Variants in CNTN4 observed in about 807,000 individuals in gnomAD.
CNTN4 encodes contactin-4.
A neutral mutation model predicts 122.5 loss-of-function variants in CNTN4; 77 were observed. The observed-to-expected ratio is 0.63, with a 90% CI of 0.52 to 0.76. The LOEUF (loss-of-function observed/expected upper bound fraction) is 0.76, where lower values mean the gene tolerates loss of function less well. CNTN4 is among the 30% of genes least tolerant of loss of function. The pLI is 0.00. For missense variants in CNTN4, 1,256 were observed against 1,259.1 expected, an observed-to-expected ratio of 1.00 and a Z score of 0.04; for synonymous variants, 512 against 447.0, an observed-to-expected ratio of 1.15 and a Z score of -1.83.
intron 4 of CNTN4, among the ~76,000 whole-genome samples, chr3:2,615,654 G>A (rs2081691609): frequency 1.3e-5 from 2 of 152,116 alleles, no homozygotes; most frequent in South Asian, 4.1e-4. Flanking sequence ...TTGTTTCAAG[G>A]GTAAAATTTA....
At chr3:2,997,240 G>A (rs1001193664) in intron 14 of CNTN4, among the ~76,000 whole-genome samples, 4 of 152,174 alleles carry the variant, frequency 2.6e-5, no homozygotes, top group Non-Finnish European at 5.9e-5. Flanking sequence ...ACTTCCTGTG[G>A]CTTGAGAATG....
At chr3:2,798,008 G>A (rs1009333829) in intron 6 of CNTN4, among the ~76,000 whole-genome samples, 1 of 147,788 alleles carries the variant, frequency 6.8e-6, no homozygotes, top group Non-Finnish European at 1.5e-5. Flanking sequence ...GTCTGGGATT[G>A]TAGTATAACC....
At chr3:2,461,221 C>G (rs1029573920) in intron 3 of CNTN4, among the ~76,000 whole-genome samples, 3 of 152,088 alleles carry the variant, frequency 2.0e-5, no homozygotes, top group Admixed American at 6.6e-5. Flanking sequence ...CTTAGTTCTC[C>G]TCCCTTGTAC....
rs539316762 is a variant in CNTN4 at position 2,925,484 on chromosome 3, C to T, written c.1208-145C>T. ...AGGAGAGTCACTTGAACCCGGGAGG[C>T]GGAGGTTGCAGTGAGCCAAGATTGC... On this transcript the variant is annotated intron_variant, in intron 12 of 24. Coordinates refer to ENST00000418658, the MANE Select transcript of CNTN4 (RefSeq NM_175607.3). The T allele has an allele frequency of 1.5e-4, 114 of 753,366 alleles. 1 individual carries two copies. The highest frequency in any genetic ancestry group is 2.0e-4 in the Non-Finnish European group (93 of 473,596). The allele number at this position is 753,366 out of a possible 1,614,324, so 46.7% of individuals were successfully genotyped here. A position where few individuals can be genotyped will look rare whatever the true frequency, so the allele number is the denominator to read the frequency against.
intron 3 of CNTN4, among the ~76,000 whole-genome samples, chr3:2,429,557 C>G (rs978682017): frequency 2.6e-4 from 39 of 152,184 alleles, no homozygotes; most frequent in African/African-American, 8.4e-4. Context: ...GCAGTCTGTC[C>G]GTTCTCAGAT....
chr3:2,826,904 G>T lies in CNTN4; in HGVS notation c.454+7323G>T, dbSNP rs540208505. Among the ~76,000 whole-genome samples, 30 of 152,200 alleles carry T rather than the reference G, an allele frequency of 2.0e-4. No individual in the cohort carries two copies. In the South Asian group the frequency reaches 6.2e-3, roughly 32 times the overall value. ...GGTTTACCAGTTTTATATAATTTTA[G>T]ATTTTCAGCTGCCTCCTTAGTCCAG... On this transcript the variant is annotated intron_variant, in intron 7 of 24. Coordinates refer to ENST00000418658, the MANE Select transcript of CNTN4 (RefSeq NM_175607.3).
chr3:2,624,903 G>A (rs981036139), intron 4 of CNTN4, among the ~76,000 whole-genome samples: 1 of 151,828 alleles, frequency 6.6e-6, no homozygotes, highest in African/African-American at 2.4e-5. Flanking sequence ...AGAGTGCTGG[G>A]ATTACAGGCA....
intron 4 of CNTN4, among the ~76,000 whole-genome samples, chr3:2,718,483 C>T (rs1329566166): frequency 6.6e-6 from 1 of 152,038 alleles, no homozygotes; most frequent in Non-Finnish European, 1.5e-5. Context: ...GTCAAGATCC[C>T]AAAGGTTTGA....
intron 4 of CNTN4, among the ~76,000 whole-genome samples, chr3:2,611,102 C>A (rs111404246): frequency 4.6e-5 from 7 of 151,844 alleles, no homozygotes; most frequent in African/African-American, 1.7e-4. Flanking sequence ...TTGCTGTCTC[C>A]ATTTTACAGA....
intron 3 of CNTN4, among the ~76,000 whole-genome samples, chr3:2,535,205 G>C (rs1008919857): frequency 6.6e-6 from 1 of 152,102 alleles, no homozygotes; most frequent in Non-Finnish European, 1.5e-5. Context: ...AATAGAGCAA[G>C]TTTATTGGTA....
At chr3:2,636,924 G>GTTTTTTTTTTTTTGTTTTTTTTT (rs2082681733) in intron 4 of CNTN4, among the ~76,000 whole-genome samples, 1 of 98,578 alleles carries the variant, frequency 1.0e-5, no homozygotes, top group Admixed American at 1.2e-4. Context: ...TTCTTTCTTT[G>GTTTTTTTTTTTTTGTTTTTTTTT]TTTTTTTTTT....
At chr3:2,367,810 A>G (rs866125602) in intron 3 of CNTN4, among the ~76,000 whole-genome samples, 1 of 151,866 alleles carries the variant, frequency 6.6e-6, no homozygotes, top group Non-Finnish European at 1.5e-5. Context: ...GAGAGAATCC[A>G]TTGAAACTTT....
chr3:2,416,608 C>A (rs1298278113), intron 3 of CNTN4, among the ~76,000 whole-genome samples: 1 of 152,104 alleles, frequency 6.6e-6, no homozygotes, highest in South Asian at 2.1e-4. Context: ...TTCTGAAAAT[C>A]GTGTATGACT....
intron 4 of CNTN4, among the ~76,000 whole-genome samples, chr3:2,635,493 T>C (rs61386752): frequency 6.6e-6 from 1 of 152,304 alleles, no homozygotes; most frequent in East Asian, 1.9e-4. Flanking sequence ...CTATCCCCCA[T>C]GTCCAGTGGC....
intron 6 of CNTN4, among the ~76,000 whole-genome samples, chr3:2,766,691 G>A (rs1172688752): frequency 2.0e-5 from 3 of 152,122 alleles, no homozygotes; most frequent in Admixed American, 1.3e-4. Flanking sequence ...CAGATCACCA[G>A]TAAAGAACTT....
chr3:2,806,617 A>T (rs1435494164), intron 6 of CNTN4, among the ~76,000 whole-genome samples: 2 of 152,234 alleles, frequency 1.3e-5, no homozygotes, highest in East Asian at 1.9e-4. Context: ...TCAGCAGCTT[A>T]GAAGTTTTGT....
At chr3:2,778,304 A>ATAAGAGAAAACCATGATACAGTTGTTTT (rs1553636992) in intron 6 of CNTN4, among the ~76,000 whole-genome samples, 3 of 149,202 alleles carry the variant, frequency 2.0e-5, no homozygotes, top group Non-Finnish European at 3.0e-5. Context: ...CCATGTATGT[A>ATAAGAGAAAACCATGATACAGTTGTTTT]TAAGAGAAAA....
chr3:2,229,979 A>T (rs1000246443), intron 2 of CNTN4, among the ~76,000 whole-genome samples: 1 of 151,926 alleles, frequency 6.6e-6, no homozygotes, highest in Non-Finnish European at 1.5e-5. Context: ...AACCATCTTC[A>T]TCATGGAATT....
At chr3:2,425,683 T>C (rs981941208) in intron 3 of CNTN4, among the ~76,000 whole-genome samples, 14 of 152,334 alleles carry the variant, frequency 9.2e-5, no homozygotes, top group Admixed American at 2.0e-4. Flanking sequence ...TTTCACGATA[T>C]TGACTCTTCC....
Sources: allele counts gnomAD v4.1 joint callset (sites outside exome capture counted in the v4.1 genomes callset), GRCh38; gene constraint gnomAD v4.1.1; transcripts MANE v1.5; gene names NCBI Gene and HGNC (gene_info 2026-07-23, HGNC 2026-07-21).